The following CEP41 variants were observed in gnomAD, a reference collection of about 807,000 sequenced individuals.
CEP41 encodes centrosomal protein of 41 kDa.
In CEP41, 32 loss-of-function variants were observed where a neutral mutation model predicts 44.3. The ratio of observed to expected loss-of-function variants is 0.72; its 90% CI spans 0.54 to 0.97. CEP41 has a LOEUF of 0.97. CEP41 is among the 50% of genes least tolerant of loss of function. The probability of loss-of-function intolerance (pLI) is 0.00; values close to 1 mark genes in which losing one functional copy is unlikely to be tolerated. For missense variants in CEP41, 432 were observed against 455.2 expected, an observed-to-expected ratio of 0.95 and a Z score of 0.46; for synonymous variants, 151 against 168.5, an observed-to-expected ratio of 0.90 and a Z score of 0.80.
At chr7:130,429,404 T>C (rs1380233512) in intron 1 of CEP41, among the ~76,000 whole-genome samples, 1 of 152,192 alleles carries the variant, frequency 6.6e-6, no homozygotes, top group African/African-American at 2.4e-5. Context: ...TAACCCACAT[T>C]AAATTAGAGT....
At chr7:130,434,293 T>C (rs57760327) in intron 1 of CEP41, among the ~76,000 whole-genome samples, 10,742 of 152,202 alleles carry the variant, frequency 0.071, 584 homozygotes, top group African/African-American at 0.15. Context: ...ACATATGCTA[T>C]GTGAATTACA....
At chr7:130,409,487 ATCT>A (rs1411257413) in intron 5 of CEP41, among the ~76,000 whole-genome samples, 1 of 152,208 alleles carries the variant, frequency 6.6e-6, no homozygotes, top group Non-Finnish European at 1.5e-5. Context: ...TGTGAGAGGC[ATCT>A]GTCAAAGATA....
intron 1 of CEP41, among the ~76,000 whole-genome samples, chr7:130,436,009 C>G (rs1400706335): frequency 6.6e-6 from 1 of 152,092 alleles, no homozygotes; most frequent in Non-Finnish European, 1.5e-5. Context: ...AAAAAATTGG[C>G]CGGGCACAGT....
rs782470462 is a variant in CEP41 at position 130,404,683 on chromosome 7, A to C, written c.303T>G (p.Pro101=). ...TGGTCCTGGCAGTGGTTTCAGCATC[A>C]GGGTCTGAAGCTGCAGAATCATTGT... ...LEDNDSAASD[P]DAETTARTNG... Residue 101 remains proline, a synonymous_variant, in exon 6 of 11, where the codon CCT becomes CCG. Coordinates refer to ENST00000223208, the MANE Select transcript of CEP41 (RefSeq NM_018718.3). The C allele has an allele frequency of 6.2e-7, 1 of 1,612,156 alleles. No individual in the cohort carries two copies. The highest frequency in any genetic ancestry group is 1.1e-5 in the South Asian group (1 of 91,050).
At chr7:130,412,332 T>C (rs1299861102) in intron 3 of CEP41, 92 bp from the exon 4 acceptor site, 2 of 731,738 alleles carry the variant, frequency 2.7e-6, no homozygotes, top group Admixed American at 2.0e-5. Context: ...TCAAGTTATT[T>C]ATATGCTTTT....
intron 2 of CEP41, among the ~76,000 whole-genome samples, chr7:130,418,133 C>G (rs1182657645): frequency 2.6e-5 from 4 of 152,134 alleles, no homozygotes; most frequent in African/African-American, 4.8e-5. Flanking sequence ...GACATACACT[C>G]TCTGTATCCA....
chr7:130,415,276 G>C (rs1797300518), intron 3 of CEP41, among the ~76,000 whole-genome samples: 1 of 152,144 alleles, frequency 6.6e-6, no homozygotes, highest in South Asian at 2.1e-4. Flanking sequence ...TAAAGTGATG[G>C]GTCTAGGGTA....
At chr7:130,436,643 ATT>A (rs71527964) in intron 1 of CEP41, among the ~76,000 whole-genome samples, 25,902 of 114,460 alleles carry the variant, frequency 0.23, 2,291 homozygotes, top group Middle Eastern at 0.3. Flanking sequence ...TCTTTGTACT[ATT>A]TTTTTTTTTT....
At chr7:130,416,169 A>C (rs1797329860) in intron 3 of CEP41, among the ~76,000 whole-genome samples, 1 of 152,258 alleles carries the variant, frequency 6.6e-6, no homozygotes, top group Non-Finnish European at 1.5e-5. Flanking sequence ...AACTATGATT[A>C]ATCAGAGTAC....
chr7:130,395,076 C>T lies in CEP41; in HGVS notation c.*3815G>A. 1 of 454,068 alleles carries T rather than the reference C, an allele frequency of 2.2e-6. No individual in the cohort carries two copies. The highest frequency in any genetic ancestry group is 1.6e-5 in the South Asian group (1 of 64,476). The allele number at this position is 454,068 out of a possible 1,614,324, so 28.1% of individuals were successfully genotyped here. The stretch of plus-strand genomic sequence containing the variant: ...AAATCATGCACCGAATCCTGTTCTG[C>T]CTGAATTCAAGGCTGACAAATTTCC... On this transcript the variant is annotated 3_prime_UTR_variant, in exon 11 of 11. Coordinates refer to ENST00000223208, the MANE Select transcript of CEP41 (RefSeq NM_018718.3).
Position 130,395,649 on chromosome 7 carries a change from C to G in CEP41, c.*3242G>C, listed in dbSNP as rs1796635772. 2.2e-6 allele frequency: 1 copy of G among 453,860 alleles called. No individual in the cohort carries two copies. The highest frequency in any genetic ancestry group is 1.6e-5 in the South Asian group (1 of 64,438). 28.1% of individuals were successfully genotyped at this position (453,860 alleles called of 1,614,324 possible). A position where few individuals can be genotyped will look rare whatever the true frequency, so the allele number is the denominator to read the frequency against. Reference sequence around the variant, plus strand: ...AATTACCTACGTATTTCTTCCTAGCCTAGGACTCTGATTTCACTTACATTC... The same window carrying G: ...AATTACCTACGTATTTCTTCCTAGCGTAGGACTCTGATTTCACTTACATTC... On this transcript the variant is annotated 3_prime_UTR_variant, in exon 11 of 11. Coordinates refer to ENST00000223208, the MANE Select transcript of CEP41 (RefSeq NM_018718.3).
At position 130,394,442 on chromosome 7, in the gene CEP41, T is replaced by C. The variant is rs1554413712; in HGVS notation, c.*4449A>G. 2.2e-6 allele frequency: 1 copy of C among 454,084 alleles called. No individual in the cohort carries two copies. Among genetic ancestry groups the C allele is most frequent in the South Asian group, 1.6e-5 (1 of 64,476 alleles). 28.1% of individuals were successfully genotyped at this position (454,084 alleles called of 1,614,324 possible). On this transcript the variant is annotated 3_prime_UTR_variant, in exon 11 of 11. Transcript: ENST00000223208. ...GGCTAGTATTATTATTTTCTGGAAA[T>C]CTTCAAGATTTGAAACAAAAGAGAA...
rs1183439489 is a variant in CEP41, at chr7:130,398,782, T to C, written c.*109A>G. ...AGGGAAGAGGCCTATCCCATACATA[T>C]GTCATGGTCTTTCCTCTGCAGAAGT... is the stretch of plus-strand genomic sequence containing the variant. On this transcript the variant is annotated 3_prime_UTR_variant, in exon 11 of 11. Coordinates refer to ENST00000223208, the MANE Select transcript of CEP41 (RefSeq NM_018718.3). The C allele has an allele frequency of 3.1e-6, 4 of 1,298,282 alleles. No homozygotes were observed. Among genetic ancestry groups the C allele is most frequent in the Non-Finnish European group, 2.2e-6 (2 of 900,072 alleles). The allele number at this position is 1,298,282 out of a possible 1,614,324, so 80.4% of individuals were successfully genotyped here.
intron 10 of CEP41, 84 bp downstream of exon 10, chr7:130,399,955 T>C (rs1796792119): frequency 1.0e-6 from 1 of 994,888 alleles, no homozygotes; most frequent in Non-Finnish European, 1.6e-6. Flanking sequence ...AGAATCTAAA[T>C]ATAAGAGATG....
At chr7:130,407,914 T>C (rs1584877751) in intron 5 of CEP41, among the ~76,000 whole-genome samples, 1 of 152,312 alleles carries the variant, frequency 6.6e-6, no homozygotes, top group Non-Finnish European at 1.5e-5. Context: ...GTAACACATA[T>C]GAATTAAGAA....
rs142808835 is a variant in CEP41 at position 130,438,455 on chromosome 7, A to C, written c.33+2479T>G. 4.7e-4 allele frequency among the ~76,000 whole-genome samples: 72 copies of C among 152,168 alleles called. No individual in the cohort carries two copies. The Middle Eastern group carries it at 0.01, about 22-fold the overall frequency. Reference sequence around the variant, plus strand: ...TGCGCCATAGTCTCAGCTACCCAGGAAGCTGAGGCTGGATAATTGCTTGAG... The same window carrying C: ...TGCGCCATAGTCTCAGCTACCCAGGCAGCTGAGGCTGGATAATTGCTTGAG... On this transcript the variant is annotated intron_variant, in intron 1 of 10. Transcript: ENST00000223208.
At chr7:130,403,893 G>A (rs1293890838) in intron 6 of CEP41, among the ~76,000 whole-genome samples, 2 of 152,190 alleles carry the variant, frequency 1.3e-5, no homozygotes, top group African/African-American at 4.8e-5. Context: ...GTGGGATGAT[G>A]ATAGCAATTC....
Position 130,394,548 on chromosome 7 carries a change from G to C in CEP41, c.*4343C>G, listed in dbSNP as rs1554413758. 4.4e-6 allele frequency: 2 copies of C among 454,078 alleles called. No individual in the cohort carries two copies. The highest frequency in any genetic ancestry group is 1.4e-4 in the East Asian group (2 of 14,390). The allele number at this position is 454,078 out of a possible 1,614,324, so 28.1% of individuals were successfully genotyped here. On this transcript the variant is annotated 3_prime_UTR_variant, in exon 11 of 11. Transcript: ENST00000223208. ...ATACTTTAAGCCTGGCAGAGACAGG[G>C]TAATAACACCCCCAGCAGCTCTCTG...
At chr7:130,428,096 T>A in intron 1 of CEP41, 78 bp from the exon 2 acceptor site, 1 of 1,017,556 alleles carries the variant, frequency 9.8e-7, no homozygotes, top group Non-Finnish European at 1.5e-6. Context: ...TCAGATACTT[T>A]AAAAATGGAA....
Sources: allele counts gnomAD v4.1 joint callset (sites outside exome capture counted in the v4.1 genomes callset), GRCh38; gene constraint gnomAD v4.1.1; transcripts MANE v1.5; gene names NCBI Gene and HGNC (gene_info 2026-07-23, HGNC 2026-07-21).